EIF4A3: variants seen among roughly 807,000 people sequenced by gnomAD.
EIF4A3 encodes eukaryotic translation initiation factor 4A3.
Under a neutral mutation model 55.6 loss-of-function variants are expected in EIF4A3, and 1 was observed. The ratio of observed to expected loss-of-function variants is 0.02; its 90% CI spans 0.01 to 0.09. The LOEUF is 0.09. Ranked by LOEUF, EIF4A3 falls within the 10% of genes least tolerant of loss-of-function variation. The probability of loss-of-function intolerance (pLI) is 1.00; values close to 1 mark genes in which losing one functional copy is unlikely to be tolerated. For missense variants in EIF4A3, 221 were observed against 540.7 expected (o/e 0.41, Z 5.86); for synonymous variants, 194 against 196.3 (o/e 0.99, Z 0.10).
At position 80,144,062 on chromosome 17, in the gene EIF4A3, T is replaced by C. The variant is rs531691186; in HGVS notation, c.242+110A>G. 2.1e-5 allele frequency: 21 copies of C among 1,023,336 alleles called. 1 individual carries two copies. The highest frequency in any genetic ancestry group is 2.3e-4 in the Middle Eastern group (1 of 4,268). The allele number at this position is 1,023,336 out of a possible 1,614,324, so 63.4% of individuals were successfully genotyped here. A position where few individuals can be genotyped will look rare whatever the true frequency, so the allele number is the denominator to read the frequency against. Reference sequence around the variant, plus strand: ...CCTGTGGCTAAAGTCAGGGAAAGTGTTGGAACTGAGCGTGTACAAGCTGAG... The same window carrying C: ...CCTGTGGCTAAAGTCAGGGAAAGTGCTGGAACTGAGCGTGTACAAGCTGAG... On this transcript the variant is annotated intron_variant, in intron 2 of 11. Transcript: ENST00000649764.
At chr17:80,143,220 G>A (rs142167437) in intron 2 of EIF4A3, among the ~76,000 whole-genome samples, 105 of 152,178 alleles carry the variant, frequency 6.9e-4, no homozygotes, top group Non-Finnish European at 9.0e-4. Context: ...AGGAGGTTCC[G>A]GGAGGTGACC....
At chr17:80,140,290 C>A in intron 4 of EIF4A3, 150 bp from the exon 5 acceptor site, 2 of 974,864 alleles carry the variant, frequency 2.1e-6, no homozygotes, top group Non-Finnish European at 2.7e-6. Flanking sequence ...GCTCTTTTCT[C>A]TGACAAAAAC....
intron 4 of EIF4A3, chr17:80,140,425 C>T (rs59274369): frequency 0.26 from 63,108 of 245,764 alleles, 8,395 homozygotes; most frequent in East Asian, 0.38. Context: ...GCCATTCTCC[C>T]GCCTCAGCTT....
chr17:80,142,250 A>G (rs2039624500), intron 2 of EIF4A3, among the ~76,000 whole-genome samples: 1 of 152,240 alleles, frequency 6.6e-6, no homozygotes, highest in South Asian at 2.1e-4. Context: ...AAGCTATTAA[A>G]AGAGGATTTG....
At chr17:80,144,615 T>C (rs1191393640) in intron 1 of EIF4A3, among the ~76,000 whole-genome samples, 1 of 152,102 alleles carries the variant, frequency 6.6e-6, no homozygotes, top group Non-Finnish European at 1.5e-5. Flanking sequence ...CTTTTTACTC[T>C]AATTACTCCC....
chr17:80,135,751 C>A (rs1199807610), intron 11 of EIF4A3: 7 of 607,112 alleles, frequency 1.2e-5, no homozygotes, highest in African/African-American at 1.1e-4. Context: ...CAAAAATTAG[C>A]TGGCTATGGT....
At chr17:80,137,870 A>C (rs1199715296) in intron 8 of EIF4A3, among the ~76,000 whole-genome samples, 1 of 152,106 alleles carries the variant, frequency 6.6e-6, no homozygotes, top group Non-Finnish European at 1.5e-5. Flanking sequence ...TGGGGATCTA[A>C]AACTACTCAG....
At chr17:80,139,435 A>G in intron 6 of EIF4A3, 1 of 607,426 alleles carries the variant, frequency 1.6e-6, no homozygotes, top group Non-Finnish European at 2.8e-6. Flanking sequence ...CCACCCCGAG[A>G]GTCCTAGATA....
Position 80,140,033 on chromosome 17 carries a change from G to A in EIF4A3, c.480C>T (p.Val160=), listed in dbSNP as rs2241886. 292,975 of 1,612,922 alleles carry A rather than the reference G, an allele frequency of 0.18. 28,189 individuals are homozygous for A. Among genetic ancestry groups the A allele is most frequent in the Middle Eastern group, 0.24 (1,461 of 6,044 alleles). ...IRKLDYGQHV[V]AGTPGRVFDM... is the part of the protein sequence containing the mutation. Reference sequence around the variant, plus strand: ...CAAAAACACGCCCTGGAGTGCCCGCGACAACATGCTGTCCGTAATCCAGCT... The same window carrying A: ...CAAAAACACGCCCTGGAGTGCCCGCAACAACATGCTGTCCGTAATCCAGCT... Residue 160 remains valine, a synonymous_variant, in exon 5 of 12, where the codon GTC becomes GTT. Coordinates refer to ENST00000649764, the MANE Select transcript of EIF4A3 (RefSeq NM_014740.4).
chr17:80,145,457 G>C (rs1186708723), intron 1 of EIF4A3, among the ~76,000 whole-genome samples: 2 of 152,072 alleles, frequency 1.3e-5, no homozygotes, highest in African/African-American at 4.8e-5. Flanking sequence ...CCAGCTACTC[G>C]GGAGGCTGAG....
rs1363353879 is a variant in EIF4A3, at chr17:80,138,187, T to C, written c.822A>G (p.Thr274=). The C allele has an allele frequency of 6.2e-7, 1 of 1,614,176 alleles. No homozygotes were observed. Among genetic ancestry groups the C allele is most frequent in the South Asian group, 1.1e-5 (1 of 91,086 alleles). Residue 274 remains threonine (T), a synonymous_variant, in exon 8 of 12, where the codon ACA becomes ACG. Transcript: ENST00000649764. ...KFDTLCDLYD[T]LTITQAVIFC... is the part of the protein sequence containing the mutation. The stretch of plus-strand genomic sequence containing the variant: ...AGATGACCGCCTGAGTGATGGTCAG[T>C]GTGTCGTAGAGGTCACACAGAGTGT...
intron 5 of EIF4A3, 45 bp from the exon 6 acceptor site, chr17:80,139,795 G>C (rs776730792): frequency 6.3e-7 from 1 of 1,590,396 alleles, no homozygotes; most frequent in Non-Finnish European, 8.6e-7. Context: ...TCACATCTAT[G>C]AGATTTTGAA....
At chr17:80,142,990 A>G (rs2039630078) in intron 2 of EIF4A3, among the ~76,000 whole-genome samples, 1 of 152,102 alleles carries the variant, frequency 6.6e-6, no homozygotes, top group Non-Finnish European at 1.5e-5. Flanking sequence ...ACACGACTGC[A>G]CTCCAGTCTG....
At chr17:80,140,807 T>C (rs1477318722) in intron 4 of EIF4A3, among the ~76,000 whole-genome samples, 1 of 152,206 alleles carries the variant, frequency 6.6e-6, no homozygotes, top group Non-Finnish European at 1.5e-5. Flanking sequence ...CAATTTATTT[T>C]TTTTTTGAGA....
Position 80,135,996 on chromosome 17 carries a change from T to C in EIF4A3, c.1219+8A>G, listed in dbSNP as rs1334133939. 21 of 1,613,382 alleles carry C rather than the reference T, an allele frequency of 1.3e-5. No homozygotes were observed. The highest frequency in any genetic ancestry group is 1.8e-5 in the Non-Finnish European group (21 of 1,179,938). ...CTACAATTACAGTAGAGCTGGACGA[T>C]TTCCTACCGTTCATCGGCATCTCAT... is the stretch of plus-strand genomic sequence containing the variant. On this transcript the variant is annotated splice_region_variant and intron_variant, in intron 11 of 11. Transcript: ENST00000649764.
chr17:80,145,503 G>A (rs8067991), intron 1 of EIF4A3, among the ~76,000 whole-genome samples: 1 of 151,992 alleles, frequency 6.6e-6, no homozygotes, highest in African/African-American at 2.4e-5. Flanking sequence ...AGTGGAAGTT[G>A]CAATAAGCTG....
chr17:80,136,169 AC>A, intron 10 of EIF4A3, 38 bp from the exon 11 acceptor site: 1 of 1,613,654 alleles, frequency 6.2e-7, no homozygotes, highest in Non-Finnish European at 8.5e-7. Context: ...AGTATATATA[AC>A]AATCAAGATT....
chr17:80,136,360 G>A (rs1258851862), intron 9 of EIF4A3, 25 bp from the exon 10 acceptor site: 1 of 1,578,010 alleles, frequency 6.3e-7, no homozygotes, highest in Non-Finnish European at 8.7e-7. Flanking sequence ...AGTGTTTGAG[G>A]CGATTAAATT....
At chr17:80,139,954 G>A in intron 5 of EIF4A3, 54 bp downstream of exon 5, 1 of 1,588,076 alleles carries the variant, frequency 6.3e-7, no homozygotes, top group South Asian at 1.1e-5. Context: ...TACCATTTAA[G>A]CACTTCTTAC....
Sources: allele counts gnomAD v4.1 joint callset (sites outside exome capture counted in the v4.1 genomes callset), GRCh38; gene constraint gnomAD v4.1.1; transcripts MANE v1.5; gene names NCBI Gene and HGNC (gene_info 2026-07-23, HGNC 2026-07-21).